STYXL1: variants seen among roughly 807,000 people sequenced by gnomAD.
The protein encoded by STYXL1 is serine/threonine/tyrosine interacting like 1.
STYXL1 carries 32 observed loss-of-function variants against 36.4 expected under a neutral mutation model. That is an observed-to-expected ratio of 0.88 (90% confidence interval 0.66 to 1.18). The LOEUF is 1.18. Ranked by LOEUF, STYXL1 falls within the 50% of genes most tolerant of loss-of-function variation. The pLI, the probability that STYXL1 is intolerant of heterozygous loss-of-function variation, is 0.00. For missense variants in STYXL1, 354 were observed against 394.1 expected (o/e 0.90, Z 0.86); for synonymous variants, 133 against 144.1 (o/e 0.92, Z 0.55).
intron 8 of STYXL1, among the ~76,000 whole-genome samples, chr7:75,998,189 A>G (rs1384521223): frequency 1.3e-5 from 2 of 152,228 alleles, no homozygotes; most frequent in African/African-American, 4.8e-5. Flanking sequence ...ACCTTAGTCT[A>G]ACAAAACTAC....
intron 7 of STYXL1, among the ~76,000 whole-genome samples, chr7:76,002,333 C>T (rs1421014943): frequency 6.6e-6 from 1 of 152,216 alleles, no homozygotes; most frequent in Admixed American, 6.5e-5. Context: ...TCTAAGCTGG[C>T]ACCCGAGGCT....
At chr7:76,024,864 G>T (rs1157690030) in intron 3 of STYXL1, among the ~76,000 whole-genome samples, 1 of 146,964 alleles carries the variant, frequency 6.8e-6, no homozygotes, top group African/African-American at 2.5e-5. Flanking sequence ...CAGAAGAATT[G>T]CCTGAACCTG....
chr7:76,037,775 G>A lies in STYXL1; in HGVS notation c.-4-7248C>T, dbSNP rs544425485. Among the ~76,000 whole-genome samples the A allele has an allele frequency of 8.7e-5, 13 of 149,862 alleles. 2 individuals carry two copies. In the South Asian group the frequency reaches 1.1e-3, roughly 13 times the overall value. ...TGAAGAGACAACACTTGATGATCCT[G>A]GAGAAGCCAGACCATGAGCTTCACT... On this transcript the variant is annotated intron_variant, in intron 1 of 8. Transcript: ENST00000359697.
intron 1 of STYXL1, among the ~76,000 whole-genome samples, chr7:76,042,390 C>CTTTTGTTTTTTTTGTTTTTTTTT (rs1796554249): frequency 2.4e-5 from 1 of 41,816 alleles, no homozygotes; most frequent in Non-Finnish European, 5.3e-5. Context: ...CCCTTATGTG[C>CTTTTGTTTTTTTTGTTTTTTTTT]TTTTTTTTTT....
At position 76,025,321 on chromosome 7, in the gene STYXL1, A is replaced by T. The variant is rs1463043690; in HGVS notation, c.165+3321T>A. ...GTCTCAAAAAATAAAAATAAAAATT[A>T]AAAAAAAAAAGCTATCAGTCTGAAT... On this transcript the variant is annotated intron_variant, in intron 3 of 8. Coordinates refer to ENST00000359697, the MANE Select transcript of STYXL1 (RefSeq NM_001317785.2). Among the ~76,000 whole-genome samples the T allele has an allele frequency of 1.0e-4, 14 of 135,640 alleles. No homozygotes were observed. In the South Asian group the frequency reaches 2.5e-3, roughly 25 times the overall value. 89.0% of individuals were successfully genotyped at this position (135,640 alleles called of 152,430 possible). A position where few individuals can be genotyped will look rare whatever the true frequency, so the allele number is the denominator to read the frequency against.
In STYXL1 at chr7:76,035,373, G is replaced by A. The variant is rs189338491; in HGVS notation, c.-4-4846C>T. On this transcript the variant is annotated intron_variant, in intron 1 of 8. Transcript: ENST00000359697. ...CTGAAGTTATTGTGCTTATTTGCTT[G>A]TTTATTGTCTCCTGGTTTCTGAGGG... Among the ~76,000 whole-genome samples, 313 of 131,044 alleles carry A rather than the reference G, an allele frequency of 2.4e-3. 17 individuals carry two copies. Among genetic ancestry groups the A allele is most frequent in the Non-Finnish European group, 4.7e-3 (261 of 55,988 alleles). 86.0% of individuals were successfully genotyped at this position (131,044 alleles called of 152,430 possible).
chr7:76,029,855 A>C (rs1041509651), intron 2 of STYXL1, among the ~76,000 whole-genome samples: 2 of 152,072 alleles, frequency 1.3e-5, no homozygotes, highest in African/African-American at 4.8e-5. Context: ...CTCAGGCGGT[A>C]ATGCAAGCGA....
intron 2 of STYXL1, among the ~76,000 whole-genome samples, 191 bp from the exon 3 acceptor site, chr7:76,028,894 G>C (rs1371771049): frequency 1.3e-5 from 2 of 152,112 alleles, no homozygotes; most frequent in African/African-American, 4.8e-5. Flanking sequence ...GAAGGCCGAG[G>C]CAGGTGGATC....
chr7:76,009,662 G>A (rs1419816356), intron 5 of STYXL1, among the ~76,000 whole-genome samples: 3 of 152,120 alleles, frequency 2.0e-5, no homozygotes, highest in African/African-American at 7.2e-5. Flanking sequence ...GCCCGCCTTG[G>A]CCTCCCAAAA....
At chr7:76,021,739 T>G (rs1297331407) in intron 4 of STYXL1, 112 bp downstream of exon 4, 4 of 779,594 alleles carry the variant, frequency 5.1e-6, no homozygotes, top group Non-Finnish European at 6.6e-6. Flanking sequence ...CCCTGCTGTC[T>G]CAGTGTCATT....
chr7:76,000,534 G>A, intron 8 of STYXL1: 1 of 467,658 alleles, frequency 2.1e-6, no homozygotes, highest in East Asian at 6.6e-5. Context: ...CCAAGGTACA[G>A]GGAGATAGAC....
chr7:76,017,213 G>A (rs1216881874), intron 4 of STYXL1, among the ~76,000 whole-genome samples: 3 of 151,882 alleles, frequency 2.0e-5, no homozygotes, highest in African/African-American at 7.3e-5. Context: ...AGTAGAGACG[G>A]GGTTTCACTA....
At chr7:76,046,585 G>C (rs1797114292) in intron 1 of STYXL1, among the ~76,000 whole-genome samples, 1 of 151,408 alleles carries the variant, frequency 6.6e-6, no homozygotes, top group South Asian at 2.1e-4. Context: ...GACCTCAGGT[G>C]ATCTGCCCGC....
Position 76,030,484 on chromosome 7 carries a change from T to C in STYXL1, c.40A>G (p.Asn14Asp). The C allele has an allele frequency of 6.2e-7, 1 of 1,614,046 alleles. No homozygotes were observed. Among genetic ancestry groups the C allele is most frequent in the Non-Finnish European group, 8.5e-7 (1 of 1,179,916 alleles). Reference sequence around the variant, plus strand: ...AGTTTTGTGGCCTGATTCAGGATGTTGTAAAGCTCTGTTGGTTCACATAAA... The same window carrying C: ...AGTTTTGTGGCCTGATTCAGGATGTCGTAAAGCTCTGTTGGTTCACATAAA... ...LLLCEPTELY[N>D]ILNQATKLSR... The change falls in exon 2 of 9, where the codon AAC (asparagine) becomes GAC (aspartate). Residue 14 changes from asparagine (N) to aspartate (D), a missense_variant. By Grantham distance (23) the Asn-to-Asp change is conservative (BLOSUM62 1). Transcript: ENST00000359697.
chr7:76,047,857 C>T lies in STYXL1; in HGVS notation c.-200G>A. 2 of 1,304,738 alleles carry T rather than the reference C, an allele frequency of 1.5e-6. No homozygotes were observed. Among genetic ancestry groups the T allele is most frequent in the Non-Finnish European group, 2.0e-6 (2 of 1,007,364 alleles). 80.8% of individuals were successfully genotyped at this position (1,304,738 alleles called of 1,614,324 possible). A position where few individuals can be genotyped will look rare whatever the true frequency, so the allele number is the denominator to read the frequency against. On this transcript the variant is annotated 5_prime_UTR_variant, in exon 1 of 9. Coordinates refer to ENST00000359697, the MANE Select transcript of STYXL1 (RefSeq NM_001317785.2). ...AGGCGCTTCCAGCCTAAAGCCCGTCCTCTTCCACCTCTTGGGTGCAGACTG... is the reference window on the plus strand; with the variant it reads ...AGGCGCTTCCAGCCTAAAGCCCGTCTTCTTCCACCTCTTGGGTGCAGACTG...
chr7:76,006,881 C>T (rs1409484670), intron 5 of STYXL1, among the ~76,000 whole-genome samples: 2 of 152,074 alleles, frequency 1.3e-5, no homozygotes, highest in African/African-American at 4.8e-5. Flanking sequence ...AAACACTAGT[C>T]CCCCATAAGG....
chr7:76,000,393 C>G, intron 8 of STYXL1: 1 of 456,700 alleles, frequency 2.2e-6, no homozygotes, highest in Non-Finnish European at 4.4e-6. Flanking sequence ...ATCAAGCCCT[C>G]TGGGGATCAC....
At chr7:76,005,829 AGAGAGAGGAGGAGGAAGAGAGAGGAG>A (rs1170344615) in intron 5 of STYXL1, among the ~76,000 whole-genome samples, 1 of 138,880 alleles carries the variant, frequency 7.2e-6, no homozygotes, top group Admixed American at 7.3e-5. Context: ...AGGAGGAGGA[AGAGAGAGGAGGAGGAAGAGAGAGGAG>A]GAGAGAGGAG....
chr7:76,000,755 G>T, intron 8 of STYXL1, 135 bp downstream of exon 8: 1 of 698,610 alleles, frequency 1.4e-6, no homozygotes, highest in East Asian at 2.7e-5. Context: ...GCGGACTGGG[G>T]AGCACCCTAG....
Sources: gnomAD v4.1 joint callset for allele counts (sites outside exome capture counted in the v4.1 genomes callset) on GRCh38, gnomAD v4.1.1 for gene constraint, MANE v1.5 for transcripts, NCBI Gene and HGNC (gene_info 2026-07-23, HGNC 2026-07-21) for gene names.